ADGRG6: variants seen among roughly 807,000 people sequenced by gnomAD.
ADGRG6 encodes the protein adhesion G protein-coupled receptor G6.
ADGRG6 carries 84 observed loss-of-function variants against 142.4 expected under a neutral mutation model. That is an observed-to-expected ratio of 0.59 (90% CI 0.49 to 0.71). The LOEUF is 0.71. Ranked by LOEUF, ADGRG6 falls within the 30% of genes least tolerant of loss-of-function variation. ADGRG6 has a pLI of 0.00. For synonymous variants in ADGRG6, 521 were observed against 520.5 expected, an observed-to-expected ratio of 1.00 and a Z score of -0.01; for missense variants, 1,367 against 1,466.6, an observed-to-expected ratio of 0.93 and a Z score of 1.11.
chr6:142,325,576 T>A (rs1485539041), intron 2 of ADGRG6, among the ~76,000 whole-genome samples: 1 of 152,176 alleles, frequency 6.6e-6, no homozygotes, highest in East Asian at 1.9e-4. Context: ...GTTTTGGATT[T>A]TTGACATTTT....
At chr6:142,407,585 C>T (rs1436326593) in intron 15 of ADGRG6, among the ~76,000 whole-genome samples, 1 of 152,160 alleles carries the variant, frequency 6.6e-6, no homozygotes, top group East Asian at 1.9e-4. Context: ...TCCTGACAGC[C>T]TTATTGCTTA....
rs1306456334 is a variant in ADGRG6 at position 142,408,265 on chromosome 6, C to T, written c.2384C>T (p.Thr795Ile). ...PVQIKIKHTR[T>I]QEVHHPICAF... is the part of the protein sequence containing the mutation. ...CAAATAAAAATCAAACATACAAGAA[C>T]TCAGGTAAGAAAACGCTCCCAATAG... The change falls in exon 16 of 25, where the codon ACT becomes ATT. Residue 795 changes from threonine (T) to isoleucine (I), a missense_variant. By Grantham distance (89) the Thr-to-Ile change is moderately conservative. Around this residue, in one of 3 missense-constraint regions of ADGRG6, gnomAD observed 286 missense variants for 371.4 expected, o/e 0.77. Coordinates refer to ENST00000367609, the MANE Select transcript of ADGRG6 (RefSeq NM_198569.3). 1.3e-6 allele frequency: 2 copies of T among 1,559,368 alleles called. No homozygotes were observed. The highest frequency in any genetic ancestry group is 3.8e-5 in the Admixed American group (2 of 52,438).
intron 5 of ADGRG6, among the ~76,000 whole-genome samples, chr6:142,383,023 A>C (rs1232881200): frequency 6.6e-6 from 1 of 151,826 alleles, no homozygotes; most frequent in African/African-American, 2.4e-5. Context: ...CATGATCTCC[A>C]TGTGGTTTTC....
chr6:142,346,612 C>A (rs1236493036), intron 2 of ADGRG6, among the ~76,000 whole-genome samples: 2 of 152,028 alleles, frequency 1.3e-5, no homozygotes, highest in Non-Finnish European at 2.9e-5. Flanking sequence ...ATAGCAAAGA[C>A]TTGGAACCAA....
intron 13 of ADGRG6, among the ~76,000 whole-genome samples, chr6:142,403,071 A>AT (rs1467310269): frequency 6.6e-6 from 1 of 151,790 alleles, no homozygotes; most frequent in Non-Finnish European, 1.5e-5. Flanking sequence ...GCAGTCTTTC[A>AT]TTTTTTATTT....
intron 2 of ADGRG6, among the ~76,000 whole-genome samples, chr6:142,354,217 T>A (rs1182077268): frequency 2.0e-5 from 3 of 152,140 alleles, no homozygotes; most frequent in Non-Finnish European, 4.4e-5. Context: ...CCATCTCTAC[T>A]AAAAATACAA....
intron 10 of ADGRG6, among the ~76,000 whole-genome samples, chr6:142,398,738 C>T (rs75513584): frequency 7.2e-5 from 11 of 152,208 alleles, no homozygotes; most frequent in South Asian, 2.1e-4. Context: ...TTCTTTGGAA[C>T]CTTTTCTGAA....
chr6:142,369,659 A>G (rs748304912), intron 3 of ADGRG6, among the ~76,000 whole-genome samples: 37 of 152,208 alleles, frequency 2.4e-4, no homozygotes, highest in Non-Finnish European at 4.4e-5. Context: ...TGATGGTGGA[A>G]AAAATAGGAG....
intron 1 of ADGRG6, among the ~76,000 whole-genome samples, chr6:142,303,699 C>T (rs1019136077): frequency 2.0e-5 from 3 of 152,070 alleles, no homozygotes; most frequent in Admixed American, 1.3e-4. Context: ...TGAAAATATA[C>T]TAGGGATTTT....
At chr6:142,302,367 C>T in intron 1 of ADGRG6, 36 bp downstream of exon 1, 1 of 1,609,732 alleles carries the variant, frequency 6.2e-7, no homozygotes, top group Non-Finnish European at 8.5e-7. Flanking sequence ...TTCCTTCACT[C>T]TTTTATCTGT....
chr6:142,334,167 A>G (rs1393131704), intron 2 of ADGRG6, among the ~76,000 whole-genome samples: 1 of 152,220 alleles, frequency 6.6e-6, no homozygotes, highest in African/African-American at 2.4e-5. Flanking sequence ...ATGATCATTA[A>G]TGGAAATACA....
chr6:142,441,267 G>C (rs1777744323), intron 24 of ADGRG6, among the ~76,000 whole-genome samples: 1 of 152,134 alleles, frequency 6.6e-6, no homozygotes, highest in Non-Finnish European at 1.5e-5. Context: ...TGTTGTAGAA[G>C]GACATGAAAT....
chr6:142,402,929 C>A, intron 13 of ADGRG6, 99 bp downstream of exon 13: 1 of 620,050 alleles, frequency 1.6e-6, no homozygotes. Context: ...TTTCAGAATT[C>A]AAATCTCTGC....
At chr6:142,410,682 A>G (rs917512873) in intron 17 of ADGRG6, among the ~76,000 whole-genome samples, 6 of 152,110 alleles carry the variant, frequency 3.9e-5, no homozygotes, top group Non-Finnish European at 7.4e-5. Flanking sequence ...GGAGGGGTTT[A>G]GTTGCATAAT....
chr6:142,440,191 T>C (rs2115208898), intron 24 of ADGRG6, among the ~76,000 whole-genome samples: 1 of 152,298 alleles, frequency 6.6e-6, no homozygotes, highest in East Asian at 1.9e-4. Flanking sequence ...GACTAGAAGA[T>C]AAAAGAGGAA....
chr6:142,442,550 G>A (rs1157220787), intron 24 of ADGRG6, among the ~76,000 whole-genome samples: 1 of 151,886 alleles, frequency 6.6e-6, no homozygotes, highest in Non-Finnish European at 1.5e-5. Context: ...ATTACTATCA[G>A]TTGCTATAAT....
In ADGRG6 at chr6:142,367,579, T is replaced by G. The variant is rs750259708; in HGVS notation, c.114T>G (p.Cys38Trp). The change falls in exon 3 of 25, where the codon TGT becomes TGG. Residue 38 changes from cysteine to tryptophan, a missense_variant. Cys to Trp is a radical substitution (Grantham distance 215). Coordinates refer to ENST00000367609, the MANE Select transcript of ADGRG6 (RefSeq NM_198569.3). Reference sequence around the variant, plus strand: ...TTGTCTGGCCAGCAGTGTGGGGATGTGCCAACTGCCGAGTGGTTTTGTCCA... The same window carrying G: ...TTGTCTGGCCAGCAGTGTGGGGATGGGCCAACTGCCGAGTGGTTTTGTCCA... The part of the protein sequence containing the change: ...IMCVPHSVWG[C>W]ANCRVVLSNP... 73 of 1,613,046 alleles carry G rather than the reference T, an allele frequency of 4.5e-5. No individual in the cohort carries two copies. Among genetic ancestry groups the G allele is most frequent in the Non-Finnish European group, 5.8e-5 (68 of 1,179,334 alleles).
chr6:142,439,947 T>C (rs1253551232), intron 24 of ADGRG6, among the ~76,000 whole-genome samples: 1 of 152,228 alleles, frequency 6.6e-6, no homozygotes, highest in East Asian at 1.9e-4. Flanking sequence ...AACTTAAAAT[T>C]TGATACTCAT....
rs768047513 is a variant in ADGRG6 at position 142,445,754 on chromosome 6, T to A, written c.*2239T>A. ...ATTTAGTCCCCCATCAGAACAGAGG[T>A]CAGGAATTTAGCTGGGGAGCCTAAA... On this transcript the variant is annotated 3_prime_UTR_variant, in exon 25 of 25. Transcript: ENST00000367609. The A allele has an allele frequency of 2.6e-5, 4 of 152,146 alleles. No individual in the cohort carries two copies. Among genetic ancestry groups the A allele is most frequent in the Non-Finnish European group, 4.4e-5 (3 of 68,008 alleles). The allele number at this position is 152,146 out of a possible 1,614,324, so 9.4% of individuals were successfully genotyped here. A position where few individuals can be genotyped will look rare whatever the true frequency, so the allele number is the denominator to read the frequency against.
Sources: allele counts gnomAD v4.1 joint callset (sites outside exome capture counted in the v4.1 genomes callset), GRCh38; gene constraint gnomAD v4.1.1; regional missense constraint gnomAD v4.1.1; transcripts MANE v1.5; gene names NCBI Gene and HGNC (gene_info 2026-07-23, HGNC 2026-07-21).